Variants in RAB12 observed in about 807,000 individuals in gnomAD.
RAB12 encodes the protein ras-related protein Rab-12.
In RAB12, 11 loss-of-function variants were observed where a neutral mutation model predicts 28.4. The ratio of observed to expected loss-of-function variants is 0.39; its 90% CI spans 0.24 to 0.64. The LOEUF is 0.64. RAB12 is among the 30% of genes least tolerant of loss of function. The probability of loss-of-function intolerance (pLI) is 0.50; values close to 1 mark genes in which losing one functional copy is unlikely to be tolerated. For missense variants in RAB12, 276 were observed against 351.1 expected (o/e 0.79, Z 1.71); for synonymous variants, 138 against 145.3 (o/e 0.95, Z 0.36).
rs2096020159 is a variant in RAB12 at position 8,638,316 on chromosome 18, T to A, written c.*54T>A. On this transcript the variant is annotated 3_prime_UTR_variant, in exon 6 of 6. Transcript: ENST00000649141. ...GATTCCTGGAAAGGGGAAAAAACGT[T>A]CTATTCTGCACTACAATCATTTTGA... is the stretch of plus-strand genomic sequence containing the variant. 2 of 1,253,122 alleles carry A rather than the reference T, an allele frequency of 1.6e-6. No individual in the cohort carries two copies. Among genetic ancestry groups the A allele is most frequent in the South Asian group, 2.4e-5 (2 of 82,896 alleles). 77.6% of individuals were successfully genotyped at this position (1,253,122 alleles called of 1,614,324 possible).
chr18:8,636,918 GTTA>G (rs1026643370), intron 5 of RAB12, among the ~76,000 whole-genome samples: 1 of 152,158 alleles, frequency 6.6e-6, no homozygotes, highest in Non-Finnish European at 1.5e-5. Context: ...TGAAGTTTAT[GTTA>G]TTAAGTGAAA....
chr18:8,632,689 AGTGGGTCATGCAT>A (rs139334903), intron 2 of RAB12, among the ~76,000 whole-genome samples: 1 of 149,764 alleles, frequency 6.7e-6, no homozygotes, highest in South Asian at 2.2e-4. Context: ...GTGAGCGGGG[AGTGGGTCATGCAT>A]GTGTATCAAG....
At chr18:8,633,814 T>C (rs2096017309) in intron 3 of RAB12, among the ~76,000 whole-genome samples, 1 of 152,166 alleles carries the variant, frequency 6.6e-6, no homozygotes, top group African/African-American at 2.4e-5. Flanking sequence ...GCTCGAGTTC[T>C]CCTTTGGCTC....
At position 8,626,501 on chromosome 18, in the gene RAB12, CTTTATAAAGTATGTCCAAATGA is replaced by C. The variant is rs376300093; in HGVS notation, c.575+1525_575+1546del. Among the ~76,000 whole-genome samples, 106 of 152,342 alleles carry C rather than the reference CTTTATAAAGTATGTCCAAATGA, an allele frequency of 7.0e-4. 1 individual carries two copies. Among genetic ancestry groups the C allele is most frequent in the Middle Eastern group, 6.8e-3 (2 of 294 alleles). ...CATCTTCATCTTTGGCGGCAGTATT[CTTTATAAAGTATGTCCAAATGA>C]TTTATAAAGTATGTCCAAATGTCCT... On this transcript the variant is annotated intron_variant, in intron 2 of 5. Transcript: ENST00000649141.
intron 1 of RAB12, among the ~76,000 whole-genome samples, chr18:8,623,069 G>A (rs191407988): frequency 2.3e-4 from 35 of 152,150 alleles, no homozygotes; most frequent in African/African-American, 8.0e-4. Context: ...TCTACAATTT[G>A]TGCAGTTAAC....
chr18:8,617,187 A>G (rs889188228), intron 1 of RAB12, among the ~76,000 whole-genome samples: 2 of 152,230 alleles, frequency 1.3e-5, no homozygotes, highest in African/African-American at 4.8e-5. Context: ...CATGTCTGGC[A>G]TAGAAAAGAC....
At chr18:8,620,132 T>C (rs867526133) in intron 1 of RAB12, among the ~76,000 whole-genome samples, 9 of 117,070 alleles carry the variant, frequency 7.7e-5, no homozygotes, top group African/African-American at 1.4e-4. Flanking sequence ...CTTTTTTTTT[T>C]CTTCTTCTTT....
intron 1 of RAB12, among the ~76,000 whole-genome samples, chr18:8,624,167 C>T (rs1474178964): frequency 1.3e-5 from 2 of 152,336 alleles, no homozygotes; most frequent in South Asian, 4.1e-4. Flanking sequence ...TAAATTCAGC[C>T]AGCATCCCTT....
At chr18:8,636,042 C>T in intron 4 of RAB12, 1 of 538,910 alleles carries the variant, frequency 1.9e-6, no homozygotes, top group Non-Finnish European at 3.3e-6. Flanking sequence ...AAGGTCCCGG[C>T]ATCACCTTCA....
chr18:8,632,222 G>A (rs1347673427), intron 2 of RAB12, among the ~76,000 whole-genome samples: 3 of 142,166 alleles, frequency 2.1e-5, no homozygotes, highest in East Asian at 2.1e-4. Flanking sequence ...AGGTTGCAGT[G>A]AACCAAGATC....
chr18:8,612,615 G>A (rs1241816068), intron 1 of RAB12, among the ~76,000 whole-genome samples: 2 of 152,234 alleles, frequency 1.3e-5, no homozygotes, highest in Admixed American at 1.3e-4. Context: ...TAGAGTGGTA[G>A]TATTGTCTAA....
chr18:8,635,328 C>T, intron 3 of RAB12: 1 of 421,728 alleles, frequency 2.4e-6, no homozygotes, highest in South Asian at 3.6e-5. Flanking sequence ...GTTCTTAATG[C>T]CTGTGCCCTA....
intron 2 of RAB12, among the ~76,000 whole-genome samples, chr18:8,628,719 T>C (rs991846102): frequency 1.8e-4 from 28 of 152,242 alleles, no homozygotes; most frequent in African/African-American, 6.5e-4. Flanking sequence ...CTAAGATTCC[T>C]GAGTATGCTA....
intron 1 of RAB12, among the ~76,000 whole-genome samples, chr18:8,612,529 G>A (rs1222143835): frequency 2.0e-5 from 3 of 152,182 alleles, no homozygotes; most frequent in Non-Finnish European, 4.4e-5. Flanking sequence ...CGCGACAGCC[G>A]TCTGGGAAAG....
chr18:8,621,568 A>G (rs1053252913), intron 1 of RAB12, among the ~76,000 whole-genome samples: 2 of 152,148 alleles, frequency 1.3e-5, no homozygotes, highest in Non-Finnish European at 2.9e-5. Flanking sequence ...TCACTATAAG[A>G]TAGTCTTCAT....
intron 2 of RAB12, among the ~76,000 whole-genome samples, chr18:8,629,075 TG>T (rs2096014465): frequency 6.6e-6 from 1 of 152,186 alleles, no homozygotes; most frequent in Non-Finnish European, 1.5e-5. Flanking sequence ...TTTAAAGAAA[TG>T]GGGAATGTTT....
At chr18:8,634,575 T>A (rs1385257829) in intron 3 of RAB12, among the ~76,000 whole-genome samples, 6 of 152,226 alleles carry the variant, frequency 3.9e-5, no homozygotes, top group Admixed American at 3.9e-4. Flanking sequence ...CATTTGGTAC[T>A]TGAGTTTGTG....
At chr18:8,637,001 C>T (rs2096019320) in intron 5 of RAB12, among the ~76,000 whole-genome samples, 1 of 152,144 alleles carries the variant, frequency 6.6e-6, no homozygotes. Context: ...TGGTAGCTCA[C>T]ACCTATAATC....
chr18:8,633,957 G>T (rs2096017406), intron 3 of RAB12, among the ~76,000 whole-genome samples: 1 of 152,150 alleles, frequency 6.6e-6, no homozygotes, highest in African/African-American at 2.4e-5. Context: ...ATATACCATT[G>T]ACCACATTTT....
Sources: gnomAD v4.1 joint callset for allele counts (sites outside exome capture counted in the v4.1 genomes callset) on GRCh38, gnomAD v4.1.1 for gene constraint, MANE v1.5 for transcripts, NCBI Gene and HGNC (gene_info 2026-07-23, HGNC 2026-07-21) for gene names.